The following PCDH15 variants were observed in gnomAD, a reference collection of about 807,000 sequenced individuals.
PCDH15 encodes protocadherin-15.
Under a neutral mutation model 178.5 loss-of-function variants are expected in PCDH15, and 129 were observed. The ratio of observed to expected loss-of-function variants is 0.72; its 90% CI spans 0.63 to 0.84. PCDH15 has a LOEUF of 0.84. PCDH15 is among the 40% of genes least tolerant of loss of function. The pLI, the probability that PCDH15 is intolerant of heterozygous loss-of-function variation, is 0.00. For missense variants in PCDH15, 2,230 were observed against 2,099.9 expected, an observed-to-expected ratio of 1.06 and a Z score of -1.21; for synonymous variants, 800 against 732.0, an observed-to-expected ratio of 1.09 and a Z score of -1.50.
chr10:53,998,497 A>C (rs1045788740), intron 20 of PCDH15, among the ~76,000 whole-genome samples: 8 of 152,178 alleles, frequency 5.3e-5, no homozygotes, highest in Non-Finnish European at 1.0e-4. Context: ...TAATCACAGA[A>C]ACCTTTTCTC....
chr10:54,117,141 C>G (rs1020355931), intron 15 of PCDH15, among the ~76,000 whole-genome samples: 6 of 152,238 alleles, frequency 3.9e-5, no homozygotes, highest in Non-Finnish European at 4.4e-5. Context: ...GGCCCAGATC[C>G]CACATCTGCC....
At chr10:55,062,907 C>A (rs2132001335) in intron 2 of PCDH15, among the ~76,000 whole-genome samples, 1 of 152,168 alleles carries the variant, frequency 6.6e-6, no homozygotes, top group African/African-American at 2.4e-5. Flanking sequence ...TTTAAAAAAT[C>A]TTTAAAATGA....
At chr10:54,752,826 T>TG (rs1169588193) in intron 1 of PCDH15, among the ~76,000 whole-genome samples, 8 of 152,154 alleles carry the variant, frequency 5.3e-5, no homozygotes, top group African/African-American at 1.7e-4. Flanking sequence ...ATGGCATACA[T>TG]GGAGCCACAG....
At chr10:54,213,872 G>A (rs1238254316) in intron 10 of PCDH15, 64 bp downstream of exon 10, 39 of 1,046,064 alleles carry the variant, frequency 3.7e-5, no homozygotes, top group East Asian at 2.7e-4. Flanking sequence ...CTACAGTAGC[G>A]TCTACAGATT....
At chr10:55,144,354 T>C (rs1838441206) in intron 2 of PCDH15, among the ~76,000 whole-genome samples, 2 of 152,038 alleles carry the variant, frequency 1.3e-5, no homozygotes, top group Admixed American at 1.3e-4. Context: ...CTCAACTTTG[T>C]CTGCATGGAA....
intron 20 of PCDH15, among the ~76,000 whole-genome samples, chr10:54,006,636 G>A (rs1299858206): frequency 6.6e-6 from 1 of 152,144 alleles, no homozygotes; most frequent in African/African-American, 2.4e-5. Context: ...TGCCTCTCAG[G>A]TGTCCACGGT....
chr10:54,674,440 G>A (rs1333190275), intron 1 of PCDH15, among the ~76,000 whole-genome samples: 2 of 152,030 alleles, frequency 1.3e-5, no homozygotes, highest in Non-Finnish European at 2.9e-5. Flanking sequence ...TAGAACGTTT[G>A]CAGAAATATC....
chr10:54,385,853 T>C (rs1163252810), intron 3 of PCDH15, among the ~76,000 whole-genome samples: 1 of 152,182 alleles, frequency 6.6e-6, no homozygotes, highest in Admixed American at 6.6e-5. Context: ...ATTTTACACA[T>C]TGAAGAAGCT....
At chr10:54,546,824 C>T (rs769718575) in intron 2 of PCDH15, among the ~76,000 whole-genome samples, 5 of 152,134 alleles carry the variant, frequency 3.3e-5, no homozygotes, top group Non-Finnish European at 7.4e-5. Flanking sequence ...CTTAACACCT[C>T]CTTCAACACC....
chr10:54,488,802 G>T (rs2079327877), intron 3 of PCDH15, among the ~76,000 whole-genome samples: 1 of 151,856 alleles, frequency 6.6e-6, no homozygotes, highest in African/African-American at 2.4e-5. Flanking sequence ...AATTATCTTA[G>T]ATTATAATAT....
chr10:54,252,061 A>T (rs2056524116), intron 8 of PCDH15, among the ~76,000 whole-genome samples: 2 of 152,118 alleles, frequency 1.3e-5, no homozygotes, highest in South Asian at 4.1e-4. Context: ...GTATTAAGCG[A>T]TGATCACTAC....
chr10:55,480,525 G>GT (rs369670419), intron 2 of PCDH15, among the ~76,000 whole-genome samples: 154 of 151,040 alleles, frequency 1.0e-3, no homozygotes, highest in African/African-American at 2.8e-3. Flanking sequence ...TTCATTTAGA[G>GT]TTTTTTTTAT....
intron 2 of PCDH15, among the ~76,000 whole-genome samples, chr10:55,010,109 T>C (rs1482528372): frequency 6.6e-6 from 1 of 152,040 alleles, no homozygotes; most frequent in Non-Finnish European, 1.5e-5. Context: ...ATAATAGCAA[T>C]AAGGCTAGCA....
chr10:55,251,950 A>C lies in PCDH15; in HGVS notation c.-156+67649T>G, dbSNP rs77106364. On this transcript the variant is annotated intron_variant, in intron 1 of 5. Transcript: ENST00000458638. ...AAACAAAACAACAACAACAACAACA[A>C]AAATTGGCTACTGGTTCACAAATCC... Among the ~76,000 whole-genome samples, 383 of 152,214 alleles carry C rather than the reference A, an allele frequency of 2.5e-3. 5 individuals are homozygous for C. The highest frequency in any genetic ancestry group is 0.018 in the Admixed American group (272 of 15,286).
intron 2 of PCDH15, among the ~76,000 whole-genome samples, chr10:55,338,286 C>A (rs1844453043): frequency 6.6e-6 from 1 of 152,104 alleles, no homozygotes. Context: ...ATCCAGCAAT[C>A]CCACTTCTGG....
At chr10:54,595,591 T>A (rs774420330) in intron 2 of PCDH15, among the ~76,000 whole-genome samples, 29 of 152,134 alleles carry the variant, frequency 1.9e-4, no homozygotes, top group Non-Finnish European at 3.7e-4. Context: ...GAATTCCTAA[T>A]GAGGCAGAGG....
intron 2 of PCDH15, among the ~76,000 whole-genome samples, chr10:54,631,058 T>G (rs1565800699): frequency 6.6e-6 from 1 of 152,136 alleles, no homozygotes; most frequent in Non-Finnish European, 1.5e-5. Context: ...TCATGTAAAA[T>G]TGTAATCCCC....
chr10:53,819,432 G>T (rs1480720831), intron 33 of PCDH15, among the ~76,000 whole-genome samples: 2 of 151,912 alleles, frequency 1.3e-5, no homozygotes. Flanking sequence ...CTTGAAAGAG[G>T]TACATAACAG....
At chr10:53,809,289 G>A in intron 37 of PCDH15, 1 of 1,613,826 alleles carries the variant, frequency 6.2e-7, no homozygotes, top group South Asian at 1.1e-5. Context: ...CTTCCTCTTG[G>A]TCCAGAGTGA....
Sources: gnomAD v4.1 joint callset for allele counts (sites outside exome capture counted in the v4.1 genomes callset) on GRCh38, gnomAD v4.1.1 for gene constraint, MANE v1.5 for transcripts, NCBI Gene and HGNC (gene_info 2026-07-23, HGNC 2026-07-21) for gene names.